TOP6BL: variants seen among roughly 807,000 people sequenced by gnomAD.
The protein encoded by TOP6BL is type 2 DNA topoisomerase 6 subunit B-like.
At chr11:66,790,226 G>A in the TOP6BL span, among the ~76,000 whole-genome samples, 2 of 151,728 alleles carry the variant, frequency 1.3e-5, no homozygotes, top group Admixed American at 6.6e-5. Flanking sequence ...CCGAGATGGC[G>A]CCATTGCACT....
the TOP6BL span, among the ~76,000 whole-genome samples, chr11:66,818,075 G>A: frequency 2.0e-5 from 3 of 152,010 alleles, no homozygotes; most frequent in Non-Finnish European, 4.4e-5. Context: ...CTTTCTCTAT[G>A]GGCCAATGTG....
the TOP6BL span, among the ~76,000 whole-genome samples, chr11:66,804,406 A>G: frequency 1.3e-5 from 2 of 152,260 alleles, no homozygotes; most frequent in African/African-American, 2.4e-5. Context: ...CATACAATCC[A>G]ATATGACTGA....
At chr11:66,759,242 AAAT>A in the TOP6BL span, 5 of 559,642 alleles carry the variant, frequency 8.9e-6, no homozygotes, top group South Asian at 1.3e-4. Context: ...AATTTCAGAT[AAAT>A]AATAATTTTT....
chr11:66,772,615 CA>C, the TOP6BL span, among the ~76,000 whole-genome samples: 1 of 152,184 alleles, frequency 6.6e-6, no homozygotes, highest in African/African-American at 2.4e-5. Flanking sequence ...CTAAAAAATA[CA>C]AAAATTAGCT....
the TOP6BL span, among the ~76,000 whole-genome samples, chr11:66,777,328 C>G: frequency 1.3e-5 from 2 of 151,816 alleles, no homozygotes; most frequent in Admixed American, 6.6e-5. Context: ...GGAGATTATA[C>G]TGTGTGTTCT....
the TOP6BL span, among the ~76,000 whole-genome samples, chr11:66,792,301 A>C: frequency 6.6e-6 from 1 of 152,238 alleles, no homozygotes; most frequent in African/African-American, 2.4e-5. Context: ...TTGTCATATA[A>C]ATTAGTCTGT....
the TOP6BL span, among the ~76,000 whole-genome samples, chr11:66,753,899 T>C: frequency 6.6e-6 from 1 of 151,946 alleles, no homozygotes; most frequent in African/African-American, 2.4e-5. Flanking sequence ...GAGACAGAGT[T>C]TCACCATGTT....
chr11:66,843,357 C>G, the TOP6BL span: 10 of 1,455,266 alleles, frequency 6.9e-6, no homozygotes, highest in African/African-American at 8.7e-5. Flanking sequence ...GCGTCGGGCC[C>G]GGGCGGGGCG....
At chr11:66,758,925 T>C in the TOP6BL span, 1 of 559,958 alleles carries the variant, frequency 1.8e-6, no homozygotes, top group Non-Finnish European at 3.1e-6. Flanking sequence ...AACTCATTAG[T>C]AGTGGTCACT....
chr11:66,788,238 CAG>C, the TOP6BL span: 3 of 1,613,514 alleles, frequency 1.9e-6, no homozygotes, highest in Non-Finnish European at 2.5e-6. Context: ...CAGGATATGA[CAG>C]GGGTAACACC....
At chr11:66,755,876 C>T in the TOP6BL span, among the ~76,000 whole-genome samples, 1 of 152,188 alleles carries the variant, frequency 6.6e-6, no homozygotes, top group African/African-American at 2.4e-5. Flanking sequence ...TCTTTCTTCA[C>T]ATGGCCTTCT....
At chr11:66,839,835 C>T in the TOP6BL span, among the ~76,000 whole-genome samples, 1 of 152,134 alleles carries the variant, frequency 6.6e-6, no homozygotes, top group Non-Finnish European at 1.5e-5. Flanking sequence ...TCTGTGGACC[C>T]TGGGGAGATG....
the TOP6BL span, among the ~76,000 whole-genome samples, chr11:66,778,243 G>A: frequency 1.0e-3 from 155 of 151,790 alleles, 2 homozygotes; most frequent in Admixed American, 1.8e-3. Flanking sequence ...ATGAAATTTA[G>A]GATGAATTAA....
chr11:66,784,954 TTC>T, the TOP6BL span, among the ~76,000 whole-genome samples: 8 of 142,608 alleles, frequency 5.6e-5, no homozygotes, highest in Non-Finnish European at 9.0e-5. Context: ...TTTCTAAGAT[TTC>T]TTTTTTTTTT....
chr11:66,791,189 A>G, the TOP6BL span, among the ~76,000 whole-genome samples: 591 of 152,352 alleles, frequency 3.9e-3, 7 homozygotes, highest in African/African-American at 0.014. Context: ...TAAATGATCC[A>G]TTAATTTGGG....
chr11:66,831,460 A>G, the TOP6BL span, among the ~76,000 whole-genome samples: 3 of 152,210 alleles, frequency 2.0e-5, no homozygotes, highest in Non-Finnish European at 2.9e-5. Flanking sequence ...ACATGGATGA[A>G]TCTCTGAATA....
chr11:66,816,601 G>A, the TOP6BL span, among the ~76,000 whole-genome samples: 2 of 152,080 alleles, frequency 1.3e-5, no homozygotes, highest in Non-Finnish European at 1.5e-5. Context: ...ATGCTCTGTC[G>A]TCCAGGCTGG....
chr11:66,749,863 C>T, the TOP6BL span, among the ~76,000 whole-genome samples: 1 of 152,160 alleles, frequency 6.6e-6, no homozygotes, highest in Non-Finnish European at 1.5e-5. Flanking sequence ...CAAACGTGAG[C>T]TACCGCACCC....
the TOP6BL span, among the ~76,000 whole-genome samples, chr11:66,776,688 T>G: frequency 1.3e-5 from 2 of 152,156 alleles, no homozygotes; most frequent in Non-Finnish European, 2.9e-5. Flanking sequence ...CCTGTTAAGT[T>G]TAGGAAATTA....
Sources: allele counts gnomAD v4.1 joint callset (sites outside exome capture counted in the v4.1 genomes callset), GRCh38; gene constraint gnomAD v4.1.1; transcripts MANE v1.5; gene names NCBI Gene and HGNC (gene_info 2026-07-23, HGNC 2026-07-21).